The following CCAR1 variants were observed in gnomAD, a reference collection of about 807,000 sequenced individuals.
CCAR1 encodes the protein cell division cycle and apoptosis regulator protein 1.
A neutral mutation model predicts 163.8 loss-of-function variants in CCAR1; 78 were observed. That is an observed-to-expected ratio of 0.48 (90% CI 0.40 to 0.57). CCAR1 has a LOEUF of 0.57. Among genes scored for constraint, CCAR1 ranks in the 20% least tolerant of loss-of-function variants. The pLI is 0.00. For synonymous variants in CCAR1, 443 were observed against 460.7 expected (o/e 0.96, Z 0.49); for missense variants, 1,019 against 1,365.2 (o/e 0.75, Z 4.00).
chr10:68,721,513 C>T (rs1220269375), intron 1 of CCAR1: 8 of 440,440 alleles, frequency 1.8e-5, no homozygotes, highest in South Asian at 3.2e-5. Context: ...TCCTCAGGTG[C>T]CCCCAGCGCC....
chr10:68,774,935 T>TG (rs752118869), intron 19 of CCAR1: 24 of 385,030 alleles, frequency 6.2e-5, no homozygotes, highest in African/African-American at 4.4e-4. Context: ...GAGTTCTTTT[T>TG]GTTTTTTTTT....
intron 2 of CCAR1, among the ~76,000 whole-genome samples, chr10:68,731,432 A>G (rs553227624): frequency 1.3e-5 from 2 of 152,324 alleles, no homozygotes; most frequent in South Asian, 4.1e-4. Flanking sequence ...GAACTGTTAT[A>G]TATTTATAAA....
intron 11 of CCAR1, 147 bp downstream of exon 11, chr10:68,754,224 ATAATT>A (rs554990163): frequency 4.8e-4 from 265 of 552,654 alleles, no homozygotes; most frequent in African/African-American, 1.3e-3. Context: ...TTTTGGTTAC[ATAATT>A]TAATTTAAGC....
intron 4 of CCAR1, among the ~76,000 whole-genome samples, chr10:68,739,970 A>G (rs1371758507): frequency 6.6e-6 from 1 of 152,228 alleles, no homozygotes; most frequent in Non-Finnish European, 1.5e-5. Flanking sequence ...TGGTAATAGT[A>G]CACTTTGCTA....
chr10:68,788,885 TTGCA>T (rs1296264831), intron 23 of CCAR1, among the ~76,000 whole-genome samples: 11 of 152,050 alleles, frequency 7.2e-5, no homozygotes, highest in African/African-American at 2.7e-4. Context: ...TTGTTACCTG[TTGCA>T]TCCTTTTAAT....
intron 10 of CCAR1, among the ~76,000 whole-genome samples, chr10:68,750,095 A>G (rs1433219472): frequency 6.6e-6 from 1 of 152,158 alleles, no homozygotes; most frequent in Non-Finnish European, 1.5e-5. Flanking sequence ...ATGCGTATAT[A>G]CTCACATACA....
intron 16 of CCAR1, among the ~76,000 whole-genome samples, chr10:68,762,308 G>T (rs1391637996): frequency 1.4e-5 from 2 of 147,004 alleles, no homozygotes; most frequent in African/African-American, 5.0e-5. Flanking sequence ...CAGCCTGGGC[G>T]ACAGAGTGAG....
intron 16 of CCAR1, 111 bp from the exon 17 acceptor site, chr10:68,765,777 G>T: frequency 1.4e-6 from 1 of 718,044 alleles, no homozygotes. Flanking sequence ...AGAGTCATGG[G>T]AATTTTGTTC....
chr10:68,761,490 T>C (rs1422784467), intron 16 of CCAR1, among the ~76,000 whole-genome samples: 2 of 151,624 alleles, frequency 1.3e-5, no homozygotes, highest in Non-Finnish European at 2.9e-5. Flanking sequence ...GTATTTTTAG[T>C]AGAGACGGGG....
intron 19 of CCAR1, among the ~76,000 whole-genome samples, chr10:68,780,617 A>C (rs912332021): frequency 6.6e-6 from 1 of 152,210 alleles, no homozygotes; most frequent in African/African-American, 2.4e-5. Context: ...TTGTGCGCCA[A>C]AGATAGTGCC....
rs573777621 is a variant in CCAR1, at chr10:68,776,966, C to T, written c.2650+3867C>T. On this transcript the variant is annotated intron_variant, in intron 19 of 24. Coordinates refer to ENST00000265872, the MANE Select transcript of CCAR1 (RefSeq NM_018237.4). ...ATCTGAAACTAAATTCCTGCTAACC[C>T]CTTCACCAGAAAGAAAACATACACA... 5.9e-5 allele frequency among the ~76,000 whole-genome samples: 9 copies of T among 152,302 alleles called. 1 individual carries two copies. The South Asian group carries it at 1.9e-3, about 32-fold the overall frequency.
chr10:68,781,109 G>C (rs2056729904), intron 19 of CCAR1, among the ~76,000 whole-genome samples: 1 of 152,094 alleles, frequency 6.6e-6, no homozygotes, highest in African/African-American at 2.4e-5. Context: ...GTGTACGCTT[G>C]TAATACCAGC....
intron 17 of CCAR1, among the ~76,000 whole-genome samples, chr10:68,766,422 C>G (rs528608268): frequency 1.7e-3 from 255 of 151,960 alleles, no homozygotes; most frequent in Middle Eastern, 6.8e-3. Context: ...AGCCTGGTCT[C>G]GAACTCCTGA....
chr10:68,754,743 A>T lies in CCAR1; in HGVS notation c.1374A>T (p.Glu458Asp). ...TGCTGATGGCTAGCCCTAGTATGGA[A>T]GATTTATATCATAAGTCATGTGCTC... ...KVMLMASPSM[E>D]DLYHKSCALA... Residue 458 changes from glutamate (E) to aspartate (D), a missense_variant, in exon 12 of 25, where the codon GAA (glutamate) becomes GAT (aspartate). Glu to Asp is a conservative substitution (Grantham distance 45). Around this residue, in one of 4 missense-constraint regions of CCAR1, gnomAD observed 644 missense variants for 904.4 expected, o/e 0.71. Coordinates refer to ENST00000265872, the MANE Select transcript of CCAR1 (RefSeq NM_018237.4). The T allele has an allele frequency of 6.2e-7, 1 of 1,609,298 alleles. No individual in the cohort carries two copies. The highest frequency in any genetic ancestry group is 8.5e-7 in the Non-Finnish European group (1 of 1,175,838).
At chr10:68,762,549 GT>G (rs1287141455) in intron 16 of CCAR1, among the ~76,000 whole-genome samples, 1 of 152,024 alleles carries the variant, frequency 6.6e-6, no homozygotes, top group East Asian at 1.9e-4. Flanking sequence ...CCTGTTACTT[GT>G]TTTCTGAATT....
chr10:68,735,370 G>GTTT (rs2056095148), intron 2 of CCAR1, among the ~76,000 whole-genome samples: 1 of 72,914 alleles, frequency 1.4e-5, no homozygotes, highest in African/African-American at 6.6e-5. Context: ...CCGTTTTTGT[G>GTTT]CTTTTTTTTT....
chr10:68,777,281 T>C (rs1171199060), intron 19 of CCAR1, among the ~76,000 whole-genome samples: 5 of 152,202 alleles, frequency 3.3e-5, no homozygotes, highest in African/African-American at 1.2e-4. Context: ...TACAATAAAG[T>C]TTCTCAATAC....
chr10:68,763,121 T>A (rs1026236830), intron 16 of CCAR1, among the ~76,000 whole-genome samples: 2 of 148,764 alleles, frequency 1.3e-5, no homozygotes, highest in African/African-American at 2.5e-5. Context: ...TCTTTTTTTT[T>A]AATGTATTTT....
intron 19 of CCAR1, among the ~76,000 whole-genome samples, chr10:68,784,255 G>T (rs570545043): frequency 6.6e-5 from 10 of 151,860 alleles, no homozygotes; most frequent in African/African-American, 2.4e-4. Context: ...TTGCTCTGTC[G>T]CCCAGGATGG....
Sources: allele counts gnomAD v4.1 joint callset (sites outside exome capture counted in the v4.1 genomes callset), GRCh38; gene constraint gnomAD v4.1.1; regional missense constraint gnomAD v4.1.1; transcripts MANE v1.5; gene names NCBI Gene and HGNC (gene_info 2026-07-23, HGNC 2026-07-21).